Variants in ZMYM4 observed in about 807,000 individuals in gnomAD.
The protein encoded by ZMYM4 is zinc finger MYM-type containing 4.
A neutral mutation model predicts 183.2 loss-of-function variants in ZMYM4; 31 were observed. The observed-to-expected ratio is 0.17, with a 90% CI of 0.13 to 0.23. The LOEUF is 0.23. Ranked by LOEUF, ZMYM4 falls within the 10% of genes least tolerant of loss-of-function variation. The probability of loss-of-function intolerance (pLI) is 1.00; values close to 1 mark genes in which losing one functional copy is unlikely to be tolerated. For missense variants in ZMYM4, 1,273 were observed against 1,840.3 expected (o/e 0.69, Z 5.64); for synonymous variants, 592 against 631.2 (o/e 0.94, Z 0.93).
intron 1 of ZMYM4, among the ~76,000 whole-genome samples, chr1:35,322,426 T>C (rs1642321744): frequency 6.6e-6 from 1 of 152,208 alleles, no homozygotes; most frequent in South Asian, 2.1e-4. Flanking sequence ...TTTATTTTTT[T>C]TTCAGTTTAT....
intron 26 of ZMYM4, among the ~76,000 whole-genome samples, chr1:35,410,741 C>T (rs971116148): frequency 2.1e-4 from 32 of 151,708 alleles, no homozygotes; most frequent in Non-Finnish European, 5.9e-5. Flanking sequence ...CCGCCCACCT[C>T]GGCCTCCCAA....
chr1:35,336,389 C>CTTTTT (rs35011285), intron 2 of ZMYM4, among the ~76,000 whole-genome samples: 2 of 143,708 alleles, frequency 1.4e-5, no homozygotes. Context: ...TCACAATTAC[C>CTTTTT]TTTTTTTTTT....
intron 7 of ZMYM4, among the ~76,000 whole-genome samples, chr1:35,378,237 ATT>A (rs1479622484): frequency 1.3e-5 from 2 of 152,162 alleles, no homozygotes; most frequent in African/African-American, 4.8e-5. Context: ...ATCTGTGAGG[ATT>A]GAAGTTACCT....
At chr1:35,410,094 C>G (rs1226762884) in intron 26 of ZMYM4, among the ~76,000 whole-genome samples, 1 of 152,096 alleles carries the variant, frequency 6.6e-6, no homozygotes, top group African/African-American at 2.4e-5. Flanking sequence ...GAGCAGGCGT[C>G]TCATGGCAAG....
At chr1:35,271,228 GTTCTAGGATA>G (rs2148660652) in intron 1 of ZMYM4, among the ~76,000 whole-genome samples, 1 of 152,218 alleles carries the variant, frequency 6.6e-6, no homozygotes, top group Admixed American at 6.5e-5. Context: ...GTACTAGGAT[GTTCTAGGATA>G]TTCTAGAAAA....
At chr1:35,414,217 G>T in intron 27 of ZMYM4, 134 bp downstream of exon 27, 1 of 609,786 alleles carries the variant, frequency 1.6e-6, no homozygotes, top group Non-Finnish European at 2.9e-6. Context: ...CTGAGGAGAC[G>T]GTCTTTGGTT....
intron 1 of ZMYM4, among the ~76,000 whole-genome samples, chr1:35,318,926 G>A (rs951092721): frequency 6.6e-6 from 1 of 152,234 alleles, no homozygotes; most frequent in South Asian, 2.1e-4. Context: ...CGCTCTTGTT[G>A]CCCAGGGTGG....
chr1:35,297,628 G>A (rs192343236), intron 1 of ZMYM4, among the ~76,000 whole-genome samples: 2 of 152,300 alleles, frequency 1.3e-5, no homozygotes, highest in Non-Finnish European at 2.9e-5. Context: ...TCACATAACA[G>A]ACTTTGTAGC....
intron 17 of ZMYM4, among the ~76,000 whole-genome samples, chr1:35,393,297 T>G (rs1005906141): frequency 1.3e-5 from 2 of 152,176 alleles, no homozygotes; most frequent in African/African-American, 2.4e-5. Context: ...GAATTCTCAT[T>G]TTAAACTTAG....
At chr1:35,284,076 A>T (rs1017513713) in intron 1 of ZMYM4, among the ~76,000 whole-genome samples, 2 of 151,534 alleles carry the variant, frequency 1.3e-5, no homozygotes, top group African/African-American at 4.9e-5. Flanking sequence ...TCCCGGGTTC[A>T]CGCCATTCTC....
intron 22 of ZMYM4, 126 bp from the exon 23 acceptor site, chr1:35,399,356 C>T: frequency 2.1e-6 from 2 of 931,486 alleles, no homozygotes; most frequent in South Asian, 1.9e-5. Flanking sequence ...AAGTGGAATC[C>T]TTATTTTATC....
chr1:35,383,798 A>T (rs1166904807), intron 9 of ZMYM4, among the ~76,000 whole-genome samples: 3 of 151,826 alleles, frequency 2.0e-5, no homozygotes, highest in Non-Finnish European at 4.4e-5. Flanking sequence ...AAAGAACTGG[A>T]ATTTAGAAGT....
intron 1 of ZMYM4, among the ~76,000 whole-genome samples, chr1:35,295,146 T>A (rs762034827): frequency 5.9e-5 from 9 of 152,198 alleles, no homozygotes; most frequent in Non-Finnish European, 8.8e-5. Context: ...AAATAATTAA[T>A]GTACAACATT....
intron 21 of ZMYM4, 107 bp from the exon 22 acceptor site, chr1:35,398,757 T>TCAAC: frequency 8.8e-7 from 1 of 1,141,416 alleles, no homozygotes; most frequent in Non-Finnish European, 1.3e-6. Context: ...TAATTGTCCA[T>TCAAC]CAACCGTATC....
intron 2 of ZMYM4, among the ~76,000 whole-genome samples, chr1:35,329,044 T>G (rs1642624542): frequency 6.6e-6 from 1 of 152,084 alleles, no homozygotes; most frequent in Non-Finnish European, 1.5e-5. Context: ...TCTGCCCTAC[T>G]GTGGTATAAT....
intron 2 of ZMYM4, among the ~76,000 whole-genome samples, chr1:35,333,566 A>T (rs557970145): frequency 6.6e-6 from 1 of 152,030 alleles, no homozygotes; most frequent in Admixed American, 6.6e-5. Context: ...CCCATATATG[A>T]TTTTTTAAGA....
chr1:35,276,594 A>G (rs1200880286), intron 1 of ZMYM4, among the ~76,000 whole-genome samples: 8 of 152,122 alleles, frequency 5.3e-5, no homozygotes, highest in Admixed American at 6.6e-5. Flanking sequence ...CTTAACCTTA[A>G]TCACCTCCCC....
intron 1 of ZMYM4, among the ~76,000 whole-genome samples, chr1:35,287,843 G>T (rs1263004119): frequency 6.6e-6 from 1 of 151,928 alleles, no homozygotes; most frequent in Non-Finnish European, 1.5e-5. Flanking sequence ...TGACCTCGCG[G>T]TCTACCAGCC....
intron 1 of ZMYM4, among the ~76,000 whole-genome samples, chr1:35,273,752 A>G (rs910589068): frequency 5.3e-5 from 8 of 152,296 alleles, no homozygotes; most frequent in Middle Eastern, 3.4e-3. Flanking sequence ...ACTTAGAGAA[A>G]ATTGTGGAGG....
Sources: allele counts gnomAD v4.1 joint callset (sites outside exome capture counted in the v4.1 genomes callset), GRCh38; gene constraint gnomAD v4.1.1; transcripts MANE v1.5; gene names NCBI Gene and HGNC (gene_info 2026-07-23, HGNC 2026-07-21).